The following SLC39A12 variants were observed in gnomAD, a reference collection of about 807,000 sequenced individuals.
SLC39A12 encodes the protein solute carrier family 39 member 12.
A neutral mutation model predicts 71.1 loss-of-function variants in SLC39A12; 63 were observed. That is an observed-to-expected ratio of 0.89 (90% CI 0.72 to 1.09). The LOEUF is 1.09. SLC39A12 is among the 50% of genes least tolerant of loss of function. The pLI is 0.00. For missense variants in SLC39A12, 892 were observed against 812.6 expected (o/e 1.10, Z -1.19); for synonymous variants, 351 against 301.3 (o/e 1.16, Z -1.71).
chr10:17,991,825 A>G (rs1055322048), intron 8 of SLC39A12, among the ~76,000 whole-genome samples: 1 of 152,192 alleles, frequency 6.6e-6, no homozygotes, highest in Non-Finnish European at 1.5e-5. Context: ...GCTGTGGCTC[A>G]TGCCTGTAAT....
chr10:18,000,755 CTCA>C lies in SLC39A12; in HGVS notation c.1698_1700del (p.Ser567del). 6.2e-7 allele frequency: 1 copy of C among 1,614,188 alleles called. No individual in the cohort carries two copies. The highest frequency in any genetic ancestry group is 8.5e-7 in the Non-Finnish European group (1 of 1,180,016). ...ATGGCCTAGCCATAGGAGCAGCCTT[CTCA>C]TCATCATCCGAGTCAGGAGTGACCA... On this transcript the variant is annotated inframe_deletion, in exon 11 of 13. Transcript: ENST00000377369.
chr10:18,028,065 G>A (rs1284463702), intron 12 of SLC39A12, among the ~76,000 whole-genome samples: 2 of 152,210 alleles, frequency 1.3e-5, no homozygotes, highest in African/African-American at 2.4e-5. Flanking sequence ...CGTGTGCACA[G>A]TGACTTTTAG....
Position 17,961,758 on chromosome 10 carries a change from C to T in SLC39A12, c.439C>T (p.Leu147=). ...NKEYKFYLHS[L]LSLRQDEDSS... is the part of the protein sequence containing the mutation. ...AGAGTATAAATTTTACCTACACAGC[C>T]TACTGAGCCTCAGGCAGGATGAAGA... The change falls in exon 3 of 13, where the codon CTA becomes TTA. Residue 147 remains leucine (L), a synonymous_variant. Transcript: ENST00000377369. The T allele has an allele frequency of 1.2e-6, 2 of 1,614,050 alleles. No homozygotes were observed. The highest frequency in any genetic ancestry group is 2.2e-5 in the East Asian group (1 of 44,856).
intron 12 of SLC39A12, among the ~76,000 whole-genome samples, chr10:18,025,788 T>A (rs891777119): frequency 2.6e-5 from 4 of 152,222 alleles, no homozygotes; most frequent in Non-Finnish European, 5.9e-5. Context: ...TTTCTAGTTC[T>A]AGCTCCCTGA....
In SLC39A12 at chr10:17,961,700, G is replaced by GA; in HGVS notation, c.382dup (p.Ile128AsnfsTer10). On this transcript the variant is annotated frameshift_variant, in exon 3 of 13. Coordinates refer to ENST00000377369, the MANE Select transcript of SLC39A12 (RefSeq NM_001145195.2). LOFTEE classifies it high-confidence loss of function. ...TCTATTACATTATTCATCAGGAAGA[G>GA]ATCTGTTCTTCAAAGCTCAACATGA... 1.2e-6 allele frequency: 2 copies of GA among 1,614,090 alleles called. No individual in the cohort carries two copies. Among genetic ancestry groups the GA allele is most frequent in the Non-Finnish European group, 1.7e-6 (2 of 1,179,946 alleles).
chr10:18,010,010 T>C (rs1195072698), intron 12 of SLC39A12, among the ~76,000 whole-genome samples: 1 of 152,226 alleles, frequency 6.6e-6, no homozygotes, highest in Non-Finnish European at 1.5e-5. Context: ...TTCTCCTCTC[T>C]TCTTCATCAT....
intron 6 of SLC39A12, among the ~76,000 whole-genome samples, chr10:17,982,002 T>G (rs1835272853): frequency 1.3e-5 from 2 of 152,178 alleles, no homozygotes. Context: ...CAAGACTGTT[T>G]CTTTTCCAGC....
At chr10:17,967,755 C>T (rs935578352) in intron 4 of SLC39A12, among the ~76,000 whole-genome samples, 6 of 151,316 alleles carry the variant, frequency 4.0e-5, no homozygotes, top group African/African-American at 7.3e-5. Context: ...GGCGTGATGG[C>T]GGGCGCCTGT....
rs113944381 is a variant in SLC39A12, at chr10:17,981,646, C to G, written c.1096+163C>G. Among the ~76,000 whole-genome samples the G allele has an allele frequency of 6.4e-3, 969 of 152,218 alleles. 11 individuals are homozygous for G. The highest frequency in any genetic ancestry group is 0.022 in the African/African-American group (921 of 41,528). On this transcript the variant is annotated intron_variant, in intron 6 of 12. Transcript: ENST00000377369. ...TGCTACAAGGTAGATATTATTATTC[C>G]CATTTTACAGATGAGGAAACTGAGG...
chr10:18,031,345 TG>T (rs1836842829), intron 12 of SLC39A12, among the ~76,000 whole-genome samples: 1 of 143,182 alleles, frequency 7.0e-6, no homozygotes, highest in South Asian at 2.2e-4. Context: ...CCATTCTAAC[TG>T]GTGTGAGATG....
intron 5 of SLC39A12, among the ~76,000 whole-genome samples, 178 bp from the exon 6 acceptor site, chr10:17,981,127 GAGATTTA>G (rs1835244654): frequency 6.6e-6 from 1 of 152,168 alleles, no homozygotes; most frequent in Non-Finnish European, 1.5e-5. Flanking sequence ...GCTTTGGTCA[GAGATTTA>G]AGACATCCTT....
intron 12 of SLC39A12, among the ~76,000 whole-genome samples, chr10:18,015,399 TG>T (rs754903052): frequency 1.3e-4 from 20 of 151,840 alleles, no homozygotes; most frequent in Non-Finnish European, 2.2e-4. Context: ...ACTCAAAAGA[TG>T]TTTTTTTCAT....
At chr10:17,955,263 G>T (rs537097280) in intron 2 of SLC39A12, among the ~76,000 whole-genome samples, 72 of 152,166 alleles carry the variant, frequency 4.7e-4, no homozygotes, top group African/African-American at 1.7e-3. Flanking sequence ...AGCCAATTTG[G>T]TCCCCATTTG....
Position 17,965,229 on chromosome 10 carries a change from T to C in SLC39A12, c.544-254T>C, listed in dbSNP as rs548099875. Among the ~76,000 whole-genome samples the C allele has an allele frequency of 9.4e-4, 140 of 149,654 alleles. 1 individual carries two copies. In the South Asian group the frequency reaches 0.029, roughly 31 times the overall value. Reference sequence around the variant, plus strand: ...TCTAAAAAAAAGAAAAAAAAAAGGATAGGGAGAAAAGCTGGATAAATAAGG... The same window carrying C: ...TCTAAAAAAAAGAAAAAAAAAAGGACAGGGAGAAAAGCTGGATAAATAAGG... On this transcript the variant is annotated intron_variant, in intron 3 of 12. Coordinates refer to ENST00000377369, the MANE Select transcript of SLC39A12 (RefSeq NM_001145195.2).
chr10:17,976,622 A>G (rs1259060560), intron 4 of SLC39A12, among the ~76,000 whole-genome samples: 3 of 151,952 alleles, frequency 2.0e-5, no homozygotes, highest in Non-Finnish European at 4.4e-5. Flanking sequence ...AAGTGGTTTC[A>G]CCATGTTGGC....
chr10:18,007,284 A>T (rs1836052926), intron 12 of SLC39A12: 1 of 152,122 alleles, frequency 6.6e-6, no homozygotes, highest in South Asian at 2.1e-4. Flanking sequence ...CTGAATGTTC[A>T]CTGCTTTGTC....
intron 3 of SLC39A12, among the ~76,000 whole-genome samples, chr10:17,965,149 G>T (rs1334647249): frequency 6.6e-6 from 1 of 152,078 alleles, no homozygotes. Flanking sequence ...GGAGGTTGCA[G>T]TGAGTCAAAA....
rs188877803 is a variant in SLC39A12 at position 18,025,111 on chromosome 10, T to C, written c.1948-17594T>C. ...TGCTTAGTTGAATCAATATCTACCA[T>C]GTTTGTTACTGTTTCTTATTCATTA... On this transcript the variant is annotated intron_variant, in intron 12 of 12. Coordinates refer to ENST00000377369, the MANE Select transcript of SLC39A12 (RefSeq NM_001145195.2). 4.4e-4 allele frequency among the ~76,000 whole-genome samples: 67 copies of C among 152,364 alleles called. 1 individual carries two copies. The highest frequency in any genetic ancestry group is 1.5e-3 in the African/African-American group (61 of 41,594).
intron 12 of SLC39A12, among the ~76,000 whole-genome samples, chr10:18,039,912 A>G (rs1837171895): frequency 6.6e-6 from 1 of 152,178 alleles, no homozygotes; most frequent in South Asian, 2.1e-4. Flanking sequence ...TTAGAAACCA[A>G]AACACTCTGA....
Sources: allele counts gnomAD v4.1 joint callset (sites outside exome capture counted in the v4.1 genomes callset), GRCh38; gene constraint gnomAD v4.1.1; transcripts MANE v1.5; gene names NCBI Gene and HGNC (gene_info 2026-07-23, HGNC 2026-07-21).